Variants in MYO1E observed in about 807,000 individuals in gnomAD.
MYO1E encodes myosin IE.
MYO1E carries 68 observed loss-of-function variants against 151.1 expected under a neutral mutation model. That is an observed-to-expected ratio of 0.45 (90% CI 0.37 to 0.55). The LOEUF is 0.55. MYO1E is among the 20% of genes least tolerant of loss of function. The pLI, the probability that MYO1E is intolerant of heterozygous loss-of-function variation, is 0.00. For synonymous variants in MYO1E, 601 were observed against 501.7 expected (o/e 1.20, Z -2.64); for missense variants, 1,363 against 1,389.3 (o/e 0.98, Z 0.30).
intron 26 of MYO1E, among the ~76,000 whole-genome samples, chr15:59,151,284 G>A (rs1440353495): frequency 6.6e-6 from 1 of 151,904 alleles, no homozygotes; most frequent in East Asian, 1.9e-4. Context: ...AAAAAAATTA[G>A]CTGGGTGTGG....
intron 1 of MYO1E, 83 bp downstream of exon 1, chr15:59,372,415 G>C: frequency 6.6e-7 from 1 of 1,509,150 alleles, no homozygotes; most frequent in Non-Finnish European, 8.9e-7. Context: ...CCCCGGCAGC[G>C]CGCCCAAGGT....
chr15:59,150,494 C>G (rs948809828), intron 26 of MYO1E, among the ~76,000 whole-genome samples: 1 of 152,116 alleles, frequency 6.6e-6, no homozygotes, highest in Admixed American at 6.5e-5. Flanking sequence ...TTGCCAAAAC[C>G]AAAGTAAGTA....
chr15:59,185,436 T>G (rs1259882541), intron 18 of MYO1E, among the ~76,000 whole-genome samples: 10 of 152,196 alleles, frequency 6.6e-5, no homozygotes, highest in African/African-American at 2.4e-4. Context: ...CCTGGCTAAT[T>G]TTTGTATTTT....
At chr15:59,207,404 G>A (rs374593895) in intron 14 of MYO1E, 26 of 1,613,912 alleles carry the variant, frequency 1.6e-5, no homozygotes, top group East Asian at 4.5e-5. Flanking sequence ...GGAGAAACGC[G>A]CCTTAATTTA....
At chr15:59,214,936 T>C (rs1476756471) in intron 10 of MYO1E, among the ~76,000 whole-genome samples, 1 of 152,160 alleles carries the variant, frequency 6.6e-6, no homozygotes, top group Non-Finnish European at 1.5e-5. Context: ...GCGAGTACAG[T>C]AGAAACAAAA....
At chr15:59,308,285 C>T (rs2080527891) in intron 1 of MYO1E, among the ~76,000 whole-genome samples, 2 of 148,582 alleles carry the variant, frequency 1.3e-5, no homozygotes, top group Non-Finnish European at 3.0e-5. Context: ...CCTGTAATCC[C>T]AGCACTTTGG....
At chr15:59,195,690 G>A (rs537091337) in intron 16 of MYO1E, 123 bp from the exon 17 acceptor site, 1 of 987,200 alleles carries the variant, frequency 1.0e-6, no homozygotes, top group South Asian at 1.3e-5. Flanking sequence ...ATGACAATTT[G>A]CTCGTTAAGC....
At chr15:59,347,864 G>C (rs1225851511) in intron 1 of MYO1E, among the ~76,000 whole-genome samples, 1 of 152,162 alleles carries the variant, frequency 6.6e-6, no homozygotes, top group African/African-American at 2.4e-5. Flanking sequence ...AAAAGTTCTA[G>C]AGAAAATATG....
At chr15:59,282,481 G>T (rs1272095881) in intron 1 of MYO1E, among the ~76,000 whole-genome samples, 3 of 151,884 alleles carry the variant, frequency 2.0e-5, no homozygotes, top group African/African-American at 7.3e-5. Flanking sequence ...TACCAAAACG[G>T]TTCTGTCCTC....
intron 6 of MYO1E, among the ~76,000 whole-genome samples, chr15:59,230,299 G>A (rs1343598233): frequency 6.6e-6 from 1 of 151,300 alleles, no homozygotes; most frequent in African/African-American, 2.4e-5. Context: ...CTTTCTATCA[G>A]GGTTGTATAA....
intron 13 of MYO1E, among the ~76,000 whole-genome samples, chr15:59,209,961 A>G (rs1325581836): frequency 1.3e-5 from 2 of 151,114 alleles, no homozygotes; most frequent in Admixed American, 6.6e-5. Flanking sequence ...CAGCCTCCAG[A>G]GTAGCTGGGA....
At chr15:59,239,796 G>T (rs1438218197) in intron 4 of MYO1E, among the ~76,000 whole-genome samples, 2 of 152,160 alleles carry the variant, frequency 1.3e-5, no homozygotes, top group Non-Finnish European at 2.9e-5. Flanking sequence ...CACTTAAGAA[G>T]AATTTTTATT....
intron 26 of MYO1E, among the ~76,000 whole-genome samples, chr15:59,142,339 T>G (rs1182881702): frequency 6.6e-6 from 1 of 152,110 alleles, no homozygotes; most frequent in Non-Finnish European, 1.5e-5. Flanking sequence ...GTATGGGGGC[T>G]TAGATACAGG....
chr15:59,183,634 A>G (rs1029696745), intron 18 of MYO1E, among the ~76,000 whole-genome samples: 1 of 152,200 alleles, frequency 6.6e-6, no homozygotes, highest in African/African-American at 2.4e-5. Context: ...CACATCATGG[A>G]AAATGGGGTG....
At chr15:59,348,790 C>G (rs2080808110) in intron 1 of MYO1E, 1 of 152,194 alleles carries the variant, frequency 6.6e-6, no homozygotes, top group Non-Finnish European at 1.5e-5. Context: ...CGCCACCATG[C>G]CCGGCCAATT....
chr15:59,237,653 C>T (rs73424905), intron 4 of MYO1E, among the ~76,000 whole-genome samples: 11,350 of 152,210 alleles, frequency 0.075, 1,137 homozygotes, highest in African/African-American at 0.23. Context: ...TCGCGCTTCG[C>T]GATAAAAAAT....
chr15:59,246,138 G>C (rs1396600214), intron 4 of MYO1E, among the ~76,000 whole-genome samples: 1 of 151,762 alleles, frequency 6.6e-6, no homozygotes, highest in Non-Finnish European at 1.5e-5. Context: ...TATTTTTTGA[G>C]ATAGAGTCTT....
chr15:59,173,166 T>C (rs1266641475), intron 21 of MYO1E, among the ~76,000 whole-genome samples: 3 of 152,232 alleles, frequency 2.0e-5, no homozygotes, highest in Non-Finnish European at 2.9e-5. Context: ...ATGAGGATAC[T>C]CTGCAATATT....
intron 16 of MYO1E, among the ~76,000 whole-genome samples, chr15:59,195,813 C>T (rs1346593080): frequency 6.6e-6 from 1 of 152,124 alleles, no homozygotes; most frequent in Non-Finnish European, 1.5e-5. Context: ...ATTTTCAGTA[C>T]AGTTAATAAA....
Sources: gnomAD v4.1 joint callset for allele counts (sites outside exome capture counted in the v4.1 genomes callset) on GRCh38, gnomAD v4.1.1 for gene constraint, MANE v1.5 for transcripts, NCBI Gene and HGNC (gene_info 2026-07-23, HGNC 2026-07-21) for gene names.